Variants in STYK1 observed in about 807,000 individuals in gnomAD.
STYK1 encodes STY kinase 1, also known as tyrosine-protein kinase STYK1.
A neutral mutation model predicts 48.1 loss-of-function variants in STYK1; 46 were observed. The ratio of observed to expected loss-of-function variants is 0.96; its 90% CI spans 0.75 to 1.22. The LOEUF (loss-of-function observed/expected upper bound fraction) is 1.22. Among genes scored for constraint, STYK1 ranks in the 50% most tolerant of loss-of-function variants. The probability of loss-of-function intolerance (pLI) is 0.00; values close to 1 mark genes in which losing one functional copy is unlikely to be tolerated. For missense variants in STYK1, 527 were observed against 521.1 expected (o/e 1.01, Z -0.11); for synonymous variants, 188 against 189.0 (o/e 0.99, Z 0.04).
At position 10,627,302 on chromosome 12, in the gene STYK1, C is replaced by T. The variant is rs193019014; in HGVS notation, c.717+339G>A. On this transcript the variant is annotated intron_variant, in intron 7 of 10. Transcript: ENST00000075503. ...GCTTCCCTATCTGTCTCTTTTAATT[C>T]TATTATTAGTACAAATGGGGATGTA... Among the ~76,000 whole-genome samples, 1,184 of 152,212 alleles carry T rather than the reference C, an allele frequency of 7.8e-3. 6 individuals carry two copies. The highest frequency in any genetic ancestry group is 0.013 in the Non-Finnish European group (870 of 68,016).
At chr12:10,663,796 T>G (rs1947805789) in intron 1 of STYK1, among the ~76,000 whole-genome samples, 1 of 151,812 alleles carries the variant, frequency 6.6e-6, no homozygotes, top group African/African-American at 2.4e-5. Context: ...GTAGATCAAT[T>G]TGGGGCGTAC....
chr12:10,669,458 G>A (rs1049857514), intron 1 of STYK1, among the ~76,000 whole-genome samples: 6 of 152,126 alleles, frequency 3.9e-5, no homozygotes, highest in African/African-American at 1.2e-4. Flanking sequence ...ACTCAATAAA[G>A]AACACCATGT....
At chr12:10,635,083 C>T (rs1351594505) in intron 2 of STYK1, among the ~76,000 whole-genome samples, 1 of 152,094 alleles carries the variant, frequency 6.6e-6, no homozygotes, top group African/African-American at 2.4e-5. Context: ...TTAAGCATGT[C>T]TAATATATTT....
intron 1 of STYK1, among the ~76,000 whole-genome samples, chr12:10,671,198 G>T (rs904297132): frequency 6.6e-5 from 10 of 151,922 alleles, no homozygotes; most frequent in African/African-American, 2.4e-4. Flanking sequence ...GTTTCACTTT[G>T]TTAGCCAGGA....
At chr12:10,669,508 A>C (rs1043444513) in intron 1 of STYK1, among the ~76,000 whole-genome samples, 17 of 152,238 alleles carry the variant, frequency 1.1e-4, no homozygotes, top group African/African-American at 3.6e-4. Context: ...CTTAAATGTA[A>C]GATCTGACAC....
Position 10,635,522 on chromosome 12 carries a change from A to G in STYK1, c.-68-836T>C, listed in dbSNP as rs577827290. On this transcript the variant is annotated intron_variant, in intron 2 of 10. Transcript: ENST00000075503. ...GATATAGACACGGACACTCATTGCTACAAGGATATAAAGGAAGTATCAGTA... is the reference window on the plus strand; with the variant it reads ...GATATAGACACGGACACTCATTGCTGCAAGGATATAAAGGAAGTATCAGTA... Among the ~76,000 whole-genome samples the G allele has an allele frequency of 3.3e-4, 50 of 152,350 alleles. 1 individual carries two copies. In the South Asian group the frequency reaches 7.0e-3, roughly 21 times the overall value.
chr12:10,673,248 G>A (rs1031106706), intron 1 of STYK1, among the ~76,000 whole-genome samples: 2 of 152,054 alleles, frequency 1.3e-5, no homozygotes, highest in Admixed American at 6.5e-5. Flanking sequence ...GTGGTGGTGG[G>A]AGCCTGTAAT....
intron 4 of STYK1, among the ~76,000 whole-genome samples, chr12:10,632,926 G>A (rs1057124832): frequency 3.9e-5 from 6 of 152,190 alleles, no homozygotes; most frequent in South Asian, 2.1e-4. Context: ...GACTATTTGC[G>A]GAGGACATTT....
In STYK1 at chr12:10,620,019, A is replaced by G; in HGVS notation, c.*125T>C. 1 of 1,067,130 alleles carries G rather than the reference A, an allele frequency of 9.4e-7. No individual in the cohort carries two copies. The highest frequency in any genetic ancestry group is 1.4e-6 in the Non-Finnish European group (1 of 714,758). The allele number at this position is 1,067,130 out of a possible 1,614,324, so 66.1% of individuals were successfully genotyped here. On this transcript the variant is annotated 3_prime_UTR_variant, in exon 11 of 11. Transcript: ENST00000075503. ...TTCAGATTTCCCGAGAAATGTGTAA[A>G]GGAAGATCAAGAATCCATGTCCCAT...
chr12:10,646,854 C>T (rs1033888097), intron 1 of STYK1, among the ~76,000 whole-genome samples: 2 of 152,208 alleles, frequency 1.3e-5, no homozygotes, highest in Non-Finnish European at 2.9e-5. Context: ...GGCCAAGGTA[C>T]AGCTTGGGCT....
chr12:10,631,649 T>C (rs763800012), intron 4 of STYK1, among the ~76,000 whole-genome samples: 2 of 152,142 alleles, frequency 1.3e-5, no homozygotes, highest in Admixed American at 6.5e-5. Context: ...AAACCACAGA[T>C]GCCTAAAGGT....
At chr12:10,647,527 C>T (rs942141562) in intron 1 of STYK1, among the ~76,000 whole-genome samples, 3 of 152,148 alleles carry the variant, frequency 2.0e-5, no homozygotes, top group Non-Finnish European at 4.4e-5. Context: ...GTGGAAGTGA[C>T]TTGCTTTGTC....
chr12:10,658,248 T>C (rs1350220863), intron 1 of STYK1, among the ~76,000 whole-genome samples: 1 of 152,206 alleles, frequency 6.6e-6, no homozygotes, highest in Non-Finnish European at 1.5e-5. Flanking sequence ...GTCTAACTGC[T>C]TACGATTGAA....
intron 4 of STYK1, 91 bp from the exon 5 acceptor site, chr12:10,631,399 C>T (rs950438828): frequency 2.0e-6 from 3 of 1,512,148 alleles, no homozygotes; most frequent in Middle Eastern, 2.2e-4. Context: ...GAGGTTCCTT[C>T]AGCAGTTTTC....
chr12:10,657,662 T>G (rs553665542), intron 1 of STYK1, among the ~76,000 whole-genome samples: 1 of 152,354 alleles, frequency 6.6e-6, no homozygotes, highest in South Asian at 2.1e-4. Context: ...AGCCATTAGA[T>G]TCTAGATAAG....
intron 4 of STYK1, among the ~76,000 whole-genome samples, chr12:10,633,339 T>G (rs1947450097): frequency 6.6e-6 from 1 of 152,164 alleles, no homozygotes; most frequent in Non-Finnish European, 1.5e-5. Context: ...TTAGACAACT[T>G]GTTTGAGAAG....
At chr12:10,660,373 T>A (rs1267511317) in intron 1 of STYK1, among the ~76,000 whole-genome samples, 3 of 152,168 alleles carry the variant, frequency 2.0e-5, no homozygotes, top group African/African-American at 7.2e-5. Context: ...GGTATCAATA[T>A]CATTGCCACT....
chr12:10,620,702 T>C (rs556660981), intron 10 of STYK1, among the ~76,000 whole-genome samples: 34 of 152,310 alleles, frequency 2.2e-4, no homozygotes, highest in African/African-American at 7.9e-4. Flanking sequence ...ATTTTTACTC[T>C]GATATGAGAC....
At chr12:10,625,145 C>T (rs1438759462) in intron 7 of STYK1, among the ~76,000 whole-genome samples, 1 of 152,162 alleles carries the variant, frequency 6.6e-6, no homozygotes, top group Non-Finnish European at 1.5e-5. Flanking sequence ...ATTTTCGTTT[C>T]CCGTGAGAAA....
Sources: allele counts gnomAD v4.1 joint callset (sites outside exome capture counted in the v4.1 genomes callset), GRCh38; gene constraint gnomAD v4.1.1; transcripts MANE v1.5; gene names NCBI Gene and HGNC (gene_info 2026-07-23, HGNC 2026-07-21).